Variants in RALYL observed in about 807,000 individuals in gnomAD.
RALYL encodes RALY RNA binding protein like.
Under a neutral mutation model 35.1 loss-of-function variants are expected in RALYL, and 29 were observed. The observed-to-expected ratio is 0.83, with a 90% CI of 0.61 to 1.13. The LOEUF (loss-of-function observed/expected upper bound fraction) is 1.13. RALYL is among the 50% of genes most tolerant of loss of function. The pLI is 0.00. For missense variants in RALYL, 359 were observed against 360.4 expected (o/e 1.00, Z 0.03); for synonymous variants, 120 against 127.6 (o/e 0.94, Z 0.40).
At chr8:84,563,021 C>G (rs1183878154) in intron 2 of RALYL, among the ~76,000 whole-genome samples, 1 of 151,918 alleles carries the variant, frequency 6.6e-6, no homozygotes, top group Non-Finnish European at 1.5e-5. Flanking sequence ...GGCAGTCACT[C>G]TTACATGGGC....
chr8:84,589,759 G>A (rs535670511), intron 2 of RALYL, among the ~76,000 whole-genome samples: 28 of 152,314 alleles, frequency 1.8e-4, no homozygotes, highest in African/African-American at 6.5e-4. Context: ...TTTAAGAGAA[G>A]AGCAATAAGA....
intron 2 of RALYL, among the ~76,000 whole-genome samples, chr8:84,599,252 T>TAAATTAA (rs1252785537): frequency 6.6e-6 from 1 of 152,078 alleles, no homozygotes; most frequent in Non-Finnish European, 1.5e-5. Flanking sequence ...GATTATAGAA[T>TAAATTAA]AAATTAAAAC....
At chr8:84,678,606 G>T (rs907791259) in intron 2 of RALYL, among the ~76,000 whole-genome samples, 2 of 152,036 alleles carry the variant, frequency 1.3e-5, no homozygotes, top group Non-Finnish European at 2.9e-5. Flanking sequence ...ATATGATAAG[G>T]AATTTAAAAG....
At chr8:84,626,304 G>A (rs553277922) in intron 2 of RALYL, among the ~76,000 whole-genome samples, 9 of 152,274 alleles carry the variant, frequency 5.9e-5, no homozygotes, top group African/African-American at 2.2e-4. Flanking sequence ...CCTGCATTGT[G>A]CGAATTCCGC....
intron 2 of RALYL, among the ~76,000 whole-genome samples, chr8:84,680,700 GT>G (rs1031788397): frequency 4.7e-5 from 7 of 150,302 alleles, no homozygotes; most frequent in South Asian, 2.1e-4. Context: ...GGGGTTGTTT[GT>G]TTTTTTTCTT....
chr8:84,515,118 G>A (rs553277251), intron 1 of RALYL, among the ~76,000 whole-genome samples: 27 of 152,204 alleles, frequency 1.8e-4, no homozygotes, highest in African/African-American at 5.8e-4. Flanking sequence ...CAAAGTTAAA[G>A]TCATTACTGT....
At chr8:84,909,659 T>C (rs1847170892) in intron 8 of RALYL, among the ~76,000 whole-genome samples, 1 of 152,114 alleles carries the variant, frequency 6.6e-6, no homozygotes, top group East Asian at 1.9e-4. Context: ...CTTACGTGAC[T>C]TGAGCAAATG....
chr8:84,410,610 C>T (rs909295208), intron 1 of RALYL, among the ~76,000 whole-genome samples: 4 of 151,498 alleles, frequency 2.6e-5, no homozygotes, highest in South Asian at 2.1e-4. Context: ...TACAATATGT[C>T]GTTTTTAAAA....
At chr8:84,756,572 C>T (rs116351070) in intron 2 of RALYL, among the ~76,000 whole-genome samples, 1,609 of 152,194 alleles carry the variant, frequency 0.011, 31 homozygotes, top group African/African-American at 0.035. Flanking sequence ...AACACACACA[C>T]CTATCTTCCC....
Position 84,365,875 on chromosome 8 carries a change from T to C in RALYL, c.-23-163424T>C, listed in dbSNP as rs1586628415. Among the ~76,000 whole-genome samples, 3 of 152,338 alleles carry C rather than the reference T, an allele frequency of 2.0e-5. No individual in the cohort carries two copies. The South Asian group carries it at 6.2e-4, about 32-fold the overall frequency. On this transcript the variant is annotated intron_variant, in intron 1 of 8. Transcript: ENST00000521268. ...CTAAAGCATCTACTTAGCCAAATTGTGCTCTTGGAATAGTAGCTAGGAGGT... is the reference window on the plus strand; with the variant it reads ...CTAAAGCATCTACTTAGCCAAATTGCGCTCTTGGAATAGTAGCTAGGAGGT...
At position 84,814,627 on chromosome 8, in the gene RALYL, GA is replaced by G. The variant is rs201101645; in HGVS notation, c.365+9834del. Among the ~76,000 whole-genome samples the G allele has an allele frequency of 7.1e-3, 1,063 of 150,506 alleles. 13 individuals are homozygous for G. Among genetic ancestry groups the G allele is most frequent in the African/African-American group, 0.024 (1,005 of 41,064 alleles). ...TAGACCCAATCTGAATATTGCAGTG[GA>G]AAAAAAAACTGTCAAAGAAAGTTAC... is the stretch of plus-strand genomic sequence containing the variant. On this transcript the variant is annotated intron_variant, in intron 4 of 8. Transcript: ENST00000521268.
At chr8:84,755,277 T>C (rs971216753) in intron 2 of RALYL, among the ~76,000 whole-genome samples, 1 of 151,836 alleles carries the variant, frequency 6.6e-6, no homozygotes, top group African/African-American at 2.4e-5. Flanking sequence ...AATAGCAGTC[T>C]TTTTGTATAT....
intron 8 of RALYL, among the ~76,000 whole-genome samples, chr8:84,889,294 T>A (rs1440633136): frequency 1.3e-5 from 2 of 152,194 alleles, no homozygotes; most frequent in Non-Finnish European, 2.9e-5. Flanking sequence ...ATCTCTGCTG[T>A]CAGGATTCCA....
chr8:84,260,378 G>A (rs757206584), intron 1 of RALYL, among the ~76,000 whole-genome samples: 2 of 152,102 alleles, frequency 1.3e-5, no homozygotes, highest in African/African-American at 4.8e-5. Flanking sequence ...AGGTGTGATC[G>A]CTCATGCAGC....
chr8:84,913,998 C>T (rs1341755439), intron 8 of RALYL, among the ~76,000 whole-genome samples: 1 of 151,920 alleles, frequency 6.6e-6, no homozygotes. Flanking sequence ...TGTTAAACAA[C>T]CGTGACAACC....
At chr8:84,755,485 C>T (rs1811165953) in intron 2 of RALYL, among the ~76,000 whole-genome samples, 1 of 152,218 alleles carries the variant, frequency 6.6e-6, no homozygotes, top group Admixed American at 6.5e-5. Context: ...AACTCTATAA[C>T]CATAAATAAA....
intron 1 of RALYL, among the ~76,000 whole-genome samples, chr8:84,466,866 C>G (rs1168431634): frequency 4.0e-5 from 6 of 151,078 alleles, no homozygotes; most frequent in South Asian, 2.1e-4. Flanking sequence ...CTGGTTTAGT[C>G]TTGGGAGAGT....
intron 1 of RALYL, among the ~76,000 whole-genome samples, chr8:84,435,414 A>G (rs1003006547): frequency 2.0e-5 from 3 of 152,190 alleles, no homozygotes; most frequent in Non-Finnish European, 2.9e-5. Context: ...GCTGCTAAAT[A>G]TATTGATTCA....
chr8:84,612,473 G>A (rs1818519523), intron 2 of RALYL, among the ~76,000 whole-genome samples: 1 of 151,902 alleles, frequency 6.6e-6, no homozygotes, highest in African/African-American at 2.4e-5. Context: ...TATGAGCCAG[G>A]ACAAGACCAC....
Sources: gnomAD v4.1 joint callset for allele counts (sites outside exome capture counted in the v4.1 genomes callset) on GRCh38, gnomAD v4.1.1 for gene constraint, MANE v1.5 for transcripts, NCBI Gene and HGNC (gene_info 2026-07-23, HGNC 2026-07-21) for gene names.